The following STAG1 variants were observed in gnomAD, a reference collection of about 807,000 sequenced individuals.
The protein encoded by STAG1 is cohesin subunit SA-1.
STAG1 carries 26 observed loss-of-function variants against 170.9 expected under a neutral mutation model. The ratio of observed to expected loss-of-function variants is 0.15; its 90% CI spans 0.11 to 0.21. The LOEUF (loss-of-function observed/expected upper bound fraction) is 0.21, where lower values mean the gene tolerates loss of function less well. Among genes scored for constraint, STAG1 ranks in the 10% least tolerant of loss-of-function variants. The probability of loss-of-function intolerance (pLI) is 1.00; values close to 1 mark genes in which losing one functional copy is unlikely to be tolerated. For missense variants in STAG1, 964 were observed against 1,509.5 expected, an observed-to-expected ratio of 0.64 and a Z score of 5.99; for synonymous variants, 514 against 497.7, an observed-to-expected ratio of 1.03 and a Z score of -0.44.
intron 22 of STAG1, among the ~76,000 whole-genome samples, chr3:136,391,387 T>C (rs7428402): frequency 3.2e-5 from 4 of 123,162 alleles, no homozygotes; most frequent in Non-Finnish European, 5.4e-5. Flanking sequence ...TTTTTTTTTT[T>C]CTTTTTTTGA....
chr3:136,476,125 GATAGT>G lies in STAG1; in HGVS notation c.1026+1159_1026+1163del, dbSNP rs141686956. ...TATGGCTCATGCCCACTTGTTAGAG[GATAGT>G]ATGTTTCCTCCTTACTCCATCCTTT... is the stretch of plus-strand genomic sequence containing the variant. On this transcript the variant is annotated intron_variant, in intron 10 of 33. Transcript: ENST00000383202. Among the ~76,000 whole-genome samples, 22 of 152,314 alleles carry G rather than the reference GATAGT, an allele frequency of 1.4e-4. No homozygotes were observed. The East Asian group carries it at 3.9e-3, about 27-fold the overall frequency.
intron 7 of STAG1, among the ~76,000 whole-genome samples, chr3:136,520,214 C>T (rs993777015): frequency 6.6e-6 from 1 of 152,056 alleles, no homozygotes; most frequent in African/African-American, 2.4e-5. Flanking sequence ...ATCAACATTG[C>T]CTAGGAACTT....
chr3:136,702,105 G>GAGAGAC (rs1943088822), intron 1 of STAG1, among the ~76,000 whole-genome samples: 1 of 115,384 alleles, frequency 8.7e-6, no homozygotes, highest in South Asian at 2.7e-4. Flanking sequence ...GAGAGAGAGA[G>GAGAGAC]AGAGAGAGAG....
At chr3:136,463,863 A>C (rs1359966686) in intron 13 of STAG1, among the ~76,000 whole-genome samples, 1 of 146,398 alleles carries the variant, frequency 6.8e-6, no homozygotes, top group Admixed American at 6.8e-5. Context: ...ATATATATTT[A>C]TATATACATA....
At chr3:136,724,160 G>T (rs573505297) in intron 1 of STAG1, among the ~76,000 whole-genome samples, 10 of 151,950 alleles carry the variant, frequency 6.6e-5, no homozygotes, top group Middle Eastern at 3.2e-3. Flanking sequence ...TGGAATAGAG[G>T]AGGGGAGAAA....
intron 6 of STAG1, among the ~76,000 whole-genome samples, chr3:136,526,211 T>G (rs1414335656): frequency 2.0e-5 from 3 of 152,180 alleles, no homozygotes; most frequent in Non-Finnish European, 2.9e-5. Flanking sequence ...AAGCCTCTCA[T>G]AATTATTGTG....
At chr3:136,428,419 C>T (rs752779608) in intron 16 of STAG1, among the ~76,000 whole-genome samples, 1 of 152,142 alleles carries the variant, frequency 6.6e-6, no homozygotes, top group Non-Finnish European at 1.5e-5. Context: ...CTTCTGATAA[C>T]GGACAATGCC....
chr3:136,664,388 G>A (rs1318752674), intron 1 of STAG1, among the ~76,000 whole-genome samples: 1 of 152,162 alleles, frequency 6.6e-6, no homozygotes, highest in Non-Finnish European at 1.5e-5. Flanking sequence ...TGAGGTAGAT[G>A]TTGAGACCTA....
rs1029215770 is a variant in STAG1 at position 136,473,760 on chromosome 3, G to C, written c.1027-123C>G. On this transcript the variant is annotated intron_variant, in intron 10 of 33. Transcript: ENST00000383202. ...TTACTGCATATTGTAATTCAACATA[G>C]GATGAGACTGAACAATTGTATAGTG... 1.5e-5 allele frequency: 10 copies of C among 675,898 alleles called. No homozygotes were observed. The Admixed American group carries it at 1.6e-4, about 11-fold the overall frequency. The allele number at this position is 675,898 out of a possible 1,614,324, so 41.9% of individuals were successfully genotyped here.
At chr3:136,553,031 G>T (rs908492192) in intron 5 of STAG1, among the ~76,000 whole-genome samples, 3 of 151,782 alleles carry the variant, frequency 2.0e-5, no homozygotes, top group Admixed American at 1.3e-4. Context: ...GGCTCACAAA[G>T]ACTTAAAATA....
rs1479309111 is a variant in STAG1 at position 136,555,709 on chromosome 3, A to G, written c.394+13056T>C. Among the ~76,000 whole-genome samples, 5 of 141,102 alleles carry G rather than the reference A, an allele frequency of 3.5e-5. No homozygotes were observed. In the South Asian group the frequency reaches 6.5e-4, roughly 18 times the overall value. The allele number at this position is 141,102 out of a possible 152,430, so 92.6% of individuals were successfully genotyped here. ...AATCAATCAATCAATCAATCAGTCAATCAATCAATCAAGTATACAATTTAA... is the reference window on the plus strand; with the variant it reads ...AATCAATCAATCAATCAATCAGTCAGTCAATCAATCAAGTATACAATTTAA... On this transcript the variant is annotated intron_variant, in intron 5 of 33. Transcript: ENST00000383202.
chr3:136,690,255 G>A (rs1475308331), intron 1 of STAG1, among the ~76,000 whole-genome samples: 4 of 151,972 alleles, frequency 2.6e-5, no homozygotes, highest in African/African-American at 9.7e-5. Flanking sequence ...TGTTTGTTTT[G>A]AGAGAGAGTC....
chr3:136,478,085 C>G (rs541774739), intron 9 of STAG1, among the ~76,000 whole-genome samples: 2 of 152,174 alleles, frequency 1.3e-5, no homozygotes, highest in East Asian at 1.9e-4. Flanking sequence ...CCACTGTGAC[C>G]GGCCAGAACT....
intron 6 of STAG1, among the ~76,000 whole-genome samples, chr3:136,538,595 T>A (rs1935753931): frequency 6.6e-6 from 1 of 152,038 alleles, no homozygotes; most frequent in African/African-American, 2.4e-5. Flanking sequence ...ATTTTTGTAT[T>A]TTTAGTAGAG....
chr3:136,604,484 G>A lies in STAG1; in HGVS notation c.133-11C>T. 2 of 1,580,964 alleles carry A rather than the reference G, an allele frequency of 1.3e-6. No homozygotes were observed. Among genetic ancestry groups the A allele is most frequent in the Admixed American group, 2.0e-5 (1 of 51,012 alleles). On this transcript the variant is annotated splice_polypyrimidine_tract_variant and intron_variant, in intron 3 of 33. Transcript: ENST00000383202. ...TTTCTTATTTGTAGACTGAAAAAAA[G>A]ATAAAAAAAGATTCCATTCGATTAG...
At chr3:136,466,462 A>T (rs957563621) in intron 12 of STAG1, among the ~76,000 whole-genome samples, 12 of 152,312 alleles carry the variant, frequency 7.9e-5, no homozygotes, top group African/African-American at 2.9e-4. Context: ...AAAAAAGAGT[A>T]AAAAGAAACG....
At chr3:136,458,835 G>C (rs2089192616) in intron 13 of STAG1, among the ~76,000 whole-genome samples, 1 of 152,084 alleles carries the variant, frequency 6.6e-6, no homozygotes, top group Non-Finnish European at 1.5e-5. Context: ...TATGGAAAAA[G>C]ATAATCCATG....
At chr3:136,719,313 A>G (rs926864905) in intron 1 of STAG1, among the ~76,000 whole-genome samples, 5 of 152,152 alleles carry the variant, frequency 3.3e-5, no homozygotes, top group South Asian at 2.1e-4. Flanking sequence ...AAGCATATCT[A>G]TAGAGACAGA....
chr3:136,571,638 A>C (rs1287582474), intron 4 of STAG1, among the ~76,000 whole-genome samples: 1 of 152,118 alleles, frequency 6.6e-6, no homozygotes, highest in Non-Finnish European at 1.5e-5. Flanking sequence ...CTGGGAGGCC[A>C]AGGCAGGAGG....
Sources: gnomAD v4.1 joint callset for allele counts (sites outside exome capture counted in the v4.1 genomes callset) on GRCh38, gnomAD v4.1.1 for gene constraint, MANE v1.5 for transcripts, NCBI Gene and HGNC (gene_info 2026-07-23, HGNC 2026-07-21) for gene names.